TAFA2: variants seen among roughly 807,000 people sequenced by gnomAD.
The protein encoded by TAFA2 is chemokine-like protein TAFA-2.
Under a neutral mutation model 18.8 loss-of-function variants are expected in TAFA2, and 7 were observed. That is an observed-to-expected ratio of 0.37 (90% CI 0.21 to 0.70). The LOEUF (loss-of-function observed/expected upper bound fraction) is 0.70, where lower values mean the gene tolerates loss of function less well. TAFA2 is among the 30% of genes least tolerant of loss of function. TAFA2 has a pLI of 0.53. For missense variants in TAFA2, 122 were observed against 158.1 expected, an observed-to-expected ratio of 0.77 and a Z score of 1.23; for synonymous variants, 60 against 54.2, an observed-to-expected ratio of 1.11 and a Z score of -0.47.
chr12:61,796,272 C>T (rs748998169), intron 2 of TAFA2, among the ~76,000 whole-genome samples: 23 of 151,984 alleles, frequency 1.5e-4, no homozygotes, highest in Non-Finnish European at 2.9e-4. Context: ...CTGGAAATAA[C>T]CCAAATGGCC....
At chr12:62,246,177 G>A (rs1323038851) in intron 1 of TAFA2, among the ~76,000 whole-genome samples, 2 of 151,962 alleles carry the variant, frequency 1.3e-5, no homozygotes, top group African/African-American at 4.8e-5. Flanking sequence ...TAGTAGAGAC[G>A]GGGTTTCACC....
chr12:61,788,342 C>G (rs1253464003), intron 2 of TAFA2, among the ~76,000 whole-genome samples: 5 of 151,718 alleles, frequency 3.3e-5, no homozygotes. Flanking sequence ...AAACTGCACT[C>G]AAGCTCAAAT....
At chr12:62,085,794 G>C (rs189925000) in intron 1 of TAFA2, among the ~76,000 whole-genome samples, 20 of 152,268 alleles carry the variant, frequency 1.3e-4, no homozygotes, top group African/African-American at 4.6e-4. Context: ...GTTTGTTTCT[G>C]TGTCCCCATC....
At chr12:62,051,286 A>C (rs1196779910) in intron 1 of TAFA2, among the ~76,000 whole-genome samples, 1 of 152,126 alleles carries the variant, frequency 6.6e-6, no homozygotes, top group East Asian at 1.9e-4. Context: ...CTTCATGCAA[A>C]AGGACTTCAT....
In TAFA2 at chr12:61,961,661, A is replaced by G. The variant is rs145598750; in HGVS notation, c.-1-94235T>C. ...CTAAATAGCCGAACAGGAATTCACA[A>G]CAGATCCTACAACTCCAGACCTGAA... On this transcript the variant is annotated intron_variant, in intron 1 of 4. Coordinates refer to ENST00000416284, the MANE Select transcript of TAFA2 (RefSeq NM_178539.5). 1.3e-4 allele frequency among the ~76,000 whole-genome samples: 20 copies of G among 152,094 alleles called. No homozygotes were observed. In the East Asian group the frequency reaches 1.7e-3, roughly 13 times the overall value.
intron 2 of TAFA2, among the ~76,000 whole-genome samples, chr12:61,828,337 A>T (rs568523816): frequency 6.6e-6 from 1 of 151,884 alleles, no homozygotes; most frequent in African/African-American, 2.4e-5. Flanking sequence ...TTTGTTACAA[A>T]TTCAAGAATC....
intron 2 of TAFA2, among the ~76,000 whole-genome samples, chr12:61,806,370 A>G (rs142454913): frequency 2.0e-3 from 297 of 152,254 alleles, no homozygotes; most frequent in African/African-American, 6.7e-3. Context: ...CCTCCATGTA[A>G]TATGTGCCTT....
intron 1 of TAFA2, among the ~76,000 whole-genome samples, chr12:62,173,724 T>C (rs2136943554): frequency 6.6e-6 from 1 of 152,320 alleles, no homozygotes; most frequent in African/African-American, 2.4e-5. Flanking sequence ...AAACAACCTC[T>C]AGTGTTGGAA....
chr12:61,801,095 C>T (rs1871379911), intron 2 of TAFA2, among the ~76,000 whole-genome samples: 2 of 150,670 alleles, frequency 1.3e-5, no homozygotes, highest in South Asian at 4.1e-4. Context: ...GTGAACACTA[C>T]AGAAAACTAT....
rs141769857 is a variant in TAFA2 at position 61,768,353 on chromosome 12, G to A, written c.107-13329C>T. ...AGGTAGGACTAGGCAGCTCCCACTCGGATGGACAGAGCAGCTTGTGGAGAC... is the reference window on the plus strand; with the variant it reads ...AGGTAGGACTAGGCAGCTCCCACTCAGATGGACAGAGCAGCTTGTGGAGAC... On this transcript the variant is annotated intron_variant, in intron 2 of 4. Coordinates refer to ENST00000416284, the MANE Select transcript of TAFA2 (RefSeq NM_178539.5). Among the ~76,000 whole-genome samples, 314 of 152,232 alleles carry A rather than the reference G, an allele frequency of 2.1e-3. 1 individual carries two copies. The highest frequency in any genetic ancestry group is 7.1e-3 in the African/African-American group (296 of 41,556).
chr12:61,763,045 A>C (rs1297890152), intron 2 of TAFA2, among the ~76,000 whole-genome samples: 1 of 152,080 alleles, frequency 6.6e-6, no homozygotes, highest in African/African-American at 2.4e-5. Flanking sequence ...CTAATTTCTC[A>C]CTTTAATTCA....
intron 1 of TAFA2, chr12:61,878,073 C>T (rs767425051): frequency 4.4e-6 from 2 of 455,294 alleles, no homozygotes; most frequent in South Asian, 3.1e-5. Context: ...TGTGGTCCTA[C>T]TTACATGAGA....
intron 1 of TAFA2, among the ~76,000 whole-genome samples, chr12:62,125,177 A>AT (rs199752321): frequency 2.0e-5 from 3 of 152,220 alleles, no homozygotes; most frequent in East Asian, 1.9e-4. Context: ...TATACCTTTT[A>AT]TTTTTTTAAA....
At chr12:61,977,644 C>A (rs190650255) in intron 1 of TAFA2, among the ~76,000 whole-genome samples, 1 of 152,036 alleles carries the variant, frequency 6.6e-6, no homozygotes. Flanking sequence ...GGTAGACCAG[C>A]GAAGTAAAAT....
chr12:62,238,078 C>T lies in TAFA2; in HGVS notation c.-130+20685G>A, dbSNP rs115995261. On this transcript the variant is annotated intron_variant, in intron 1 of 5. Coordinates refer to the TAFA2 transcript ENST00000551619. ...TTGCAATGCTTCCCATGAAATAAAG[C>T]AGGAATGGTTTTCCTGCAAGGGAAC... 7.2e-4 allele frequency among the ~76,000 whole-genome samples: 110 copies of T among 152,230 alleles called. 1 individual carries two copies. The highest frequency in any genetic ancestry group is 2.6e-3 in the African/African-American group (107 of 41,538).
At chr12:61,888,626 G>A (rs147337568) in intron 1 of TAFA2, among the ~76,000 whole-genome samples, 8 of 152,256 alleles carry the variant, frequency 5.3e-5, no homozygotes, top group South Asian at 4.1e-4. Flanking sequence ...GAGAGGGTGC[G>A]TTTAAAAGAT....
chr12:62,246,207 C>T (rs1156506712), intron 1 of TAFA2, among the ~76,000 whole-genome samples: 1 of 152,160 alleles, frequency 6.6e-6, no homozygotes, highest in African/African-American at 2.4e-5. Context: ...AGGATGGTCT[C>T]AATCTCCTGA....
chr12:62,203,067 T>C (rs528494501), intron 1 of TAFA2, among the ~76,000 whole-genome samples: 2 of 152,178 alleles, frequency 1.3e-5, no homozygotes, highest in South Asian at 4.1e-4. Flanking sequence ...CCTCAAGTGA[T>C]TCACCCACCT....
At chr12:62,090,063 A>G (rs570538592) in intron 1 of TAFA2, among the ~76,000 whole-genome samples, 1 of 152,198 alleles carries the variant, frequency 6.6e-6, no homozygotes, top group African/African-American at 2.4e-5. Flanking sequence ...TGAGCCACAC[A>G]TAGCTACCTC....
Sources: allele counts gnomAD v4.1 joint callset (sites outside exome capture counted in the v4.1 genomes callset), GRCh38; gene constraint gnomAD v4.1.1; transcripts MANE v1.5; gene names NCBI Gene and HGNC (gene_info 2026-07-23, HGNC 2026-07-21).